The following EVI5 variants were observed in gnomAD, a reference collection of about 807,000 sequenced individuals.
The protein encoded by EVI5 is ecotropic viral integration site 5 protein homolog.
In EVI5, 73 loss-of-function variants were observed where a neutral mutation model predicts 112.0. The ratio of observed to expected loss-of-function variants is 0.65; its 90% CI spans 0.54 to 0.79. The LOEUF (loss-of-function observed/expected upper bound fraction) is 0.79. Ranked by LOEUF, EVI5 falls within the 30% of genes least tolerant of loss-of-function variation. EVI5 has a pLI of 0.00. For synonymous variants in EVI5, 305 were observed against 319.9 expected (o/e 0.95, Z 0.50); for missense variants, 900 against 968.8 (o/e 0.93, Z 0.94).
intron 16 of EVI5, among the ~76,000 whole-genome samples, chr1:92,617,480 T>C (rs1003512382): frequency 1.3e-5 from 2 of 152,174 alleles, no homozygotes; most frequent in Non-Finnish European, 2.9e-5. Context: ...AGTTTAATTA[T>C]TGAGTGGATA....
At chr1:92,675,614 C>T (rs1384173827) in intron 10 of EVI5, among the ~76,000 whole-genome samples, 1 of 151,960 alleles carries the variant, frequency 6.6e-6, no homozygotes, top group Non-Finnish European at 1.5e-5. Flanking sequence ...ATCAGGATGA[C>T]GTACTTTTTA....
At chr1:92,737,220 A>T (rs560625902) in intron 1 of EVI5, among the ~76,000 whole-genome samples, 16 of 152,302 alleles carry the variant, frequency 1.1e-4, no homozygotes, top group African/African-American at 3.8e-4. Context: ...CCCCAGGAAC[A>T]AAATTATGGT....
chr1:92,730,011 G>A (rs903314850), intron 2 of EVI5, among the ~76,000 whole-genome samples: 2 of 151,474 alleles, frequency 1.3e-5, no homozygotes, highest in African/African-American at 2.4e-5. Context: ...TTTCAGTAGA[G>A]GCAAAAAAAG....
intron 13 of EVI5, among the ~76,000 whole-genome samples, chr1:92,660,410 T>C (rs1449473822): frequency 2.0e-5 from 3 of 151,916 alleles, no homozygotes; most frequent in South Asian, 2.1e-4. Context: ...TAGTGGTTAC[T>C]AGAGACTAGG....
Position 92,708,880 on chromosome 1 carries a change from T to C in EVI5, c.150-4136A>G, listed in dbSNP as rs115821655. ...CACAAAAGGGCACATATTCCATGAATACATTTATATGAAATATCTAGAAGA... is the reference window on the plus strand; with the variant it reads ...CACAAAAGGGCACATATTCCATGAACACATTTATATGAAATATCTAGAAGA... On this transcript the variant is annotated intron_variant, in intron 2 of 19. Transcript: ENST00000684568. 3.8e-3 allele frequency among the ~76,000 whole-genome samples: 580 copies of C among 152,248 alleles called. 3 individuals carry two copies. The highest frequency in any genetic ancestry group is 0.014 in the African/African-American group (562 of 41,566).
At chr1:92,566,894 C>T (rs952374940) in intron 18 of EVI5, among the ~76,000 whole-genome samples, 1 of 151,040 alleles carries the variant, frequency 6.6e-6, no homozygotes, top group African/African-American at 2.4e-5. Flanking sequence ...GCAACCTCCA[C>T]CTCCCAAGTT....
intron 9 of EVI5, among the ~76,000 whole-genome samples, chr1:92,689,618 T>C (rs1395561651): frequency 6.6e-6 from 1 of 152,142 alleles, no homozygotes; most frequent in Admixed American, 6.5e-5. Context: ...TCTGCCTGCC[T>C]CAGCCTCCTG....
chr1:92,538,828 G>T (rs564329117), intron 19 of EVI5, among the ~76,000 whole-genome samples: 1 of 152,194 alleles, frequency 6.6e-6, no homozygotes, highest in South Asian at 2.1e-4. Flanking sequence ...AAAGCCTAAG[G>T]CCAGAGAATG....
At chr1:92,680,664 G>A (rs1390739811) in intron 9 of EVI5, among the ~76,000 whole-genome samples, 2 of 152,154 alleles carry the variant, frequency 1.3e-5, no homozygotes, top group African/African-American at 4.8e-5. Context: ...CTTTACAGTA[G>A]TAAAACCCAG....
intron 19 of EVI5, among the ~76,000 whole-genome samples, chr1:92,537,341 GC>G (rs1664068832): frequency 2.5e-5 from 1 of 40,450 alleles, no homozygotes. Flanking sequence ...AAGAGCTATA[GC>G]TTTTTGAGCT....
chr1:92,588,649 C>T (rs1215150981), intron 18 of EVI5, among the ~76,000 whole-genome samples: 1 of 152,182 alleles, frequency 6.6e-6, no homozygotes. Context: ...TACCATAAAG[C>T]TCAATGAGGA....
At chr1:92,648,359 C>T (rs1419006424) in intron 13 of EVI5, among the ~76,000 whole-genome samples, 1 of 143,316 alleles carries the variant, frequency 7.0e-6, no homozygotes, top group African/African-American at 2.5e-5. Flanking sequence ...GGCAACAGAG[C>T]GAGACTCAGT....
At chr1:92,744,110 A>G (rs561067601) in intron 1 of EVI5, among the ~76,000 whole-genome samples, 6 of 152,114 alleles carry the variant, frequency 3.9e-5, no homozygotes, top group African/African-American at 1.2e-4. Context: ...GTATTTTCAG[A>G]TTTTCCAAAT....
intron 1 of EVI5, chr1:92,755,963 G>T (rs116107334): frequency 1.2e-5 from 2 of 170,304 alleles, no homozygotes; most frequent in South Asian, 3.2e-4. Context: ...CATTGTGAGC[G>T]ATCACGTCAC....
chr1:92,724,717 A>T (rs1675291589), intron 2 of EVI5, among the ~76,000 whole-genome samples: 1 of 152,092 alleles, frequency 6.6e-6, no homozygotes, highest in South Asian at 2.1e-4. Context: ...CAGAGGTGGA[A>T]GGATCACCCG....
At chr1:92,687,187 C>T (rs1668696888) in intron 9 of EVI5, among the ~76,000 whole-genome samples, 2 of 152,122 alleles carry the variant, frequency 1.3e-5, no homozygotes, top group Admixed American at 6.6e-5. Context: ...GGTACCAAAA[C>T]AGATATATAG....
At chr1:92,594,720 G>GA (rs1647249980) in intron 18 of EVI5, among the ~76,000 whole-genome samples, 2 of 150,862 alleles carry the variant, frequency 1.3e-5, no homozygotes, top group Admixed American at 6.6e-5. Context: ...AAAGTTACAA[G>GA]AAAAAAACAA....
intron 1 of EVI5, among the ~76,000 whole-genome samples, chr1:92,768,567 C>T (rs907518680): frequency 6.6e-6 from 1 of 152,142 alleles, no homozygotes; most frequent in Non-Finnish European, 1.5e-5. Flanking sequence ...AAACCTGCTC[C>T]TCTGCCATAT....
chr1:92,547,589 T>C lies in EVI5; in HGVS notation c.2166+16053A>G, dbSNP rs182237174. Among the ~76,000 whole-genome samples the C allele has an allele frequency of 3.2e-4, 49 of 151,824 alleles. No individual in the cohort carries two copies. The East Asian group carries it at 7.9e-3, about 25-fold the overall frequency. The stretch of plus-strand genomic sequence containing the variant: ...TTTTTGAAAGGATCAACAAAATAGA[T>C]AGACCGCTAGCAAGACTAATAAAGA... On this transcript the variant is annotated intron_variant, in intron 19 of 19. Transcript: ENST00000684568.
Sources: allele counts gnomAD v4.1 joint callset (sites outside exome capture counted in the v4.1 genomes callset), GRCh38; gene constraint gnomAD v4.1.1; transcripts MANE v1.5; gene names NCBI Gene and HGNC (gene_info 2026-07-23, HGNC 2026-07-21).